The following MAGI2 variants were observed in gnomAD, a reference collection of about 807,000 sequenced individuals.
MAGI2 encodes the protein membrane-associated guanylate kinase, WW and PDZ domain-containing protein 2.
A neutral mutation model predicts 133.3 loss-of-function variants in MAGI2; 35 were observed. That is an observed-to-expected ratio of 0.26 (90% confidence interval 0.20 to 0.35). The LOEUF (loss-of-function observed/expected upper bound fraction) is 0.35. MAGI2 is among the 10% of genes least tolerant of loss of function. The probability of loss-of-function intolerance (pLI) is 1.00; values close to 1 mark genes in which losing one functional copy is unlikely to be tolerated. For missense variants in MAGI2, 1,636 were observed against 1,863.4 expected (o/e 0.88, Z 2.25); for synonymous variants, 729 against 710.6 (o/e 1.03, Z -0.41).
chr7:79,292,937 C>T (rs371942592), intron 1 of MAGI2, among the ~76,000 whole-genome samples: 235 of 152,234 alleles, frequency 1.5e-3, no homozygotes, highest in African/African-American at 5.4e-3. Context: ...GCCATTACCT[C>T]CAACCTACAT....
chr7:78,070,126 C>T (rs111524098), intron 21 of MAGI2, among the ~76,000 whole-genome samples: 17,435 of 136,034 alleles, frequency 0.13, 1,524 homozygotes, highest in African/African-American at 0.23. Flanking sequence ...CACACACACA[C>T]ATATATGTGT....
intron 13 of MAGI2, among the ~76,000 whole-genome samples, chr7:78,184,946 C>T (rs1267370076): frequency 2.0e-5 from 3 of 152,160 alleles, no homozygotes; most frequent in Non-Finnish European, 2.9e-5. Context: ...ATGTTAGCAA[C>T]ATTTCTAATC....
At chr7:79,120,077 C>A (rs771982054) in intron 1 of MAGI2, among the ~76,000 whole-genome samples, 5 of 152,016 alleles carry the variant, frequency 3.3e-5, no homozygotes, top group Non-Finnish European at 5.9e-5. Flanking sequence ...TCTGTGCTAA[C>A]AGGTGCATAG....
At chr7:78,423,032 A>C (rs1434105797) in intron 6 of MAGI2, among the ~76,000 whole-genome samples, 1 of 152,248 alleles carries the variant, frequency 6.6e-6, no homozygotes, top group East Asian at 1.9e-4. Context: ...AAATTAAAAG[A>C]AACATTTTTG....
rs1210973068 is a variant in MAGI2 at position 78,569,510 on chromosome 7, T to C, written c.539-47865A>G. ...GCATATGGAAACTCAGACTTTCTTT[T>C]GGTAGATTTGTTTTAATTTAAGTCC... is the stretch of plus-strand genomic sequence containing the variant. On this transcript the variant is annotated intron_variant, in intron 3 of 21. Coordinates refer to ENST00000354212, the MANE Select transcript of MAGI2 (RefSeq NM_012301.4). Among the ~76,000 whole-genome samples, 3 of 152,306 alleles carry C rather than the reference T, an allele frequency of 2.0e-5. No individual in the cohort carries two copies. In the East Asian group the frequency reaches 5.8e-4, roughly 29 times the overall value.
intron 21 of MAGI2, among the ~76,000 whole-genome samples, chr7:78,067,842 G>C (rs549097483): frequency 6.6e-6 from 1 of 152,294 alleles, no homozygotes; most frequent in Admixed American, 6.5e-5. Context: ...GTTGTAGGCA[G>C]TTTGTGAATA....
At chr7:78,472,690 T>C (rs982785669) in intron 6 of MAGI2, among the ~76,000 whole-genome samples, 1 of 152,090 alleles carries the variant, frequency 6.6e-6, no homozygotes, top group African/African-American at 2.4e-5. Flanking sequence ...CAGTGGAATG[T>C]TGGGAGAGCA....
chr7:79,029,088 C>T (rs923567554), intron 1 of MAGI2, among the ~76,000 whole-genome samples: 3 of 152,122 alleles, frequency 2.0e-5, no homozygotes, highest in Non-Finnish European at 4.4e-5. Flanking sequence ...GCCCCAGACA[C>T]CTGTTTTTAT....
chr7:78,941,784 A>C, intron 2 of MAGI2, among the ~76,000 whole-genome samples: 1 of 144,364 alleles, frequency 6.9e-6, no homozygotes, highest in African/African-American at 2.6e-5. Context: ...ACTTCTCTTT[A>C]CTCATGCTTT....
At chr7:79,164,268 C>T (rs77508161) in intron 1 of MAGI2, among the ~76,000 whole-genome samples, 8,310 of 151,894 alleles carry the variant, frequency 0.055, 464 homozygotes, top group East Asian at 0.15. Flanking sequence ...TTTATTTAAC[C>T]GTATGTATTG....
intron 20 of MAGI2, among the ~76,000 whole-genome samples, chr7:78,079,513 A>C (rs1815727307): frequency 6.6e-6 from 1 of 152,198 alleles, no homozygotes; most frequent in Admixed American, 6.5e-5. Context: ...CATCCAATTC[A>C]GCATGTTGGA....
intron 3 of MAGI2, among the ~76,000 whole-genome samples, chr7:78,596,051 T>G (rs1424639137): frequency 2.6e-5 from 4 of 152,054 alleles, no homozygotes; most frequent in Non-Finnish European, 4.4e-5. Flanking sequence ...AATCTTTGTC[T>G]TGTTCACTGT....
intron 6 of MAGI2, among the ~76,000 whole-genome samples, chr7:78,471,700 T>C (rs1305865671): frequency 6.6e-6 from 1 of 151,654 alleles, no homozygotes; most frequent in Non-Finnish European, 1.5e-5. Context: ...ACGAGGTGGG[T>C]GAATCAATGA....
intron 7 of MAGI2, among the ~76,000 whole-genome samples, chr7:78,355,889 G>A (rs987551329): frequency 6.6e-6 from 1 of 152,174 alleles, no homozygotes; most frequent in Non-Finnish European, 1.5e-5. Flanking sequence ...CAGTGATCAC[G>A]TGCATAGAAA....
intron 10 of MAGI2, among the ~76,000 whole-genome samples, chr7:78,247,000 A>C (rs1314409151): frequency 6.6e-6 from 1 of 152,184 alleles, no homozygotes; most frequent in African/African-American, 2.4e-5. Context: ...CACAAGACCC[A>C]GTTGTTACAA....
chr7:78,148,023 T>C (rs62461234), intron 16 of MAGI2, among the ~76,000 whole-genome samples: 17,854 of 151,902 alleles, frequency 0.12, 1,086 homozygotes, highest in African/African-American at 0.14. Flanking sequence ...GAATCAGCAA[T>C]CCTACACCTA....
intron 16 of MAGI2, 27 bp downstream of exon 16, chr7:78,159,998 C>A: frequency 6.6e-7 from 1 of 1,526,066 alleles, no homozygotes; most frequent in South Asian, 1.3e-5. Context: ...ACCCCTTATT[C>A]AAATGCAGGC....
At chr7:78,942,180 G>A (rs909793641) in intron 2 of MAGI2, among the ~76,000 whole-genome samples, 1 of 151,976 alleles carries the variant, frequency 6.6e-6, no homozygotes, top group Non-Finnish European at 1.5e-5. Flanking sequence ...AGATTCTGTG[G>A]GCCAGGTGGC....
chr7:79,433,218 C>T (rs1847896879), intron 1 of MAGI2, among the ~76,000 whole-genome samples: 1 of 152,070 alleles, frequency 6.6e-6, no homozygotes, highest in African/African-American at 2.4e-5. Context: ...GCAATGGGGT[C>T]TGACAGGGTA....
Sources: allele counts gnomAD v4.1 joint callset (sites outside exome capture counted in the v4.1 genomes callset), GRCh38; gene constraint gnomAD v4.1.1; transcripts MANE v1.5; gene names NCBI Gene and HGNC (gene_info 2026-07-23, HGNC 2026-07-21).